The following RPS6KC1 variants were observed in gnomAD, a reference collection of about 807,000 sequenced individuals.
The protein encoded by RPS6KC1 is ribosomal protein S6 kinase C1, also known as inactive ribosomal protein S6 kinase delta-1.
RPS6KC1 carries 54 observed loss-of-function variants against 103.8 expected under a neutral mutation model. The ratio of observed to expected loss-of-function variants is 0.52; its 90% CI spans 0.42 to 0.65. The LOEUF (loss-of-function observed/expected upper bound fraction) is 0.65. RPS6KC1 is among the 30% of genes least tolerant of loss of function. The pLI, the probability that RPS6KC1 is intolerant of heterozygous loss-of-function variation, is 0.00. For synonymous variants in RPS6KC1, 439 were observed against 438.7 expected (o/e 1.00, Z -0.01); for missense variants, 1,151 against 1,253.8 (o/e 0.92, Z 1.24).
At chr1:213,118,937 A>G (rs1465698089) in intron 5 of RPS6KC1, among the ~76,000 whole-genome samples, 4 of 151,988 alleles carry the variant, frequency 2.6e-5, no homozygotes, top group South Asian at 2.1e-4. Flanking sequence ...TTTGTGACCT[A>G]TTTTAATCAG....
chr1:213,363,985 A>AT, the RPS6KC1 span, among the ~76,000 whole-genome samples: 1 of 151,926 alleles, frequency 6.6e-6, no homozygotes, highest in Non-Finnish European at 1.5e-5. Context: ...AGCAGAGGAA[A>AT]TCAAGGGATA....
At chr1:213,546,253 C>A in the RPS6KC1 span, 1 of 152,324 alleles carries the variant, frequency 6.6e-6, no homozygotes, top group African/African-American at 2.4e-5. Flanking sequence ...GCAGACATTA[C>A]CTCTCCCTCA....
chr1:213,729,358 G>A, the RPS6KC1 span, among the ~76,000 whole-genome samples: 2 of 152,056 alleles, frequency 1.3e-5, no homozygotes, highest in Admixed American at 6.6e-5. Flanking sequence ...GTGTCCTGGG[G>A]CCAGTGAATC....
In RPS6KC1 at chr1:213,242,620, G is replaced by T. The variant is rs745874632; in HGVS notation, c.2873G>T (p.Cys958Phe). The T allele has an allele frequency of 1.2e-6, 2 of 1,612,944 alleles. No individual in the cohort carries two copies. Among genetic ancestry groups the T allele is most frequent in the Middle Eastern group, 1.7e-4 (1 of 6,052 alleles). The change falls in exon 12 of 15, where the codon TGT becomes TTT. Residue 958 changes from cysteine (C) to phenylalanine (F), a missense_variant. Physicochemically the swap from Cys to Phe is radical, Grantham distance 205. Transcript: ENST00000366960. ...FSRWSEVEDS[C>F]DSDAIERMYC... ...AGGTGGAGTGAGGTTGAAGATTCCTGTGACAGCGATGCCATAGAGAGAATG... is the reference window on the plus strand; with the variant it reads ...AGGTGGAGTGAGGTTGAAGATTCCTTTGACAGCGATGCCATAGAGAGAATG...
chr1:213,119,381 A>T (rs2148911251), intron 5 of RPS6KC1, among the ~76,000 whole-genome samples: 1 of 140,566 alleles, frequency 7.1e-6, no homozygotes, highest in Admixed American at 7.4e-5. Flanking sequence ...ATGGGGGTGG[A>T]GGTTGCAGTG....
chr1:213,588,051 G>A, the RPS6KC1 span, among the ~76,000 whole-genome samples: 7 of 152,110 alleles, frequency 4.6e-5, no homozygotes, highest in African/African-American at 1.4e-4. Context: ...TTGTCTTCAC[G>A]TGGTAGAAGG....
At chr1:213,798,228 C>T in the RPS6KC1 span, among the ~76,000 whole-genome samples, 4 of 152,120 alleles carry the variant, frequency 2.6e-5, no homozygotes, top group Admixed American at 6.5e-5. Flanking sequence ...TACGCCCTGC[C>T]GTTAACTTCA....
At chr1:213,607,830 G>A in the RPS6KC1 span, among the ~76,000 whole-genome samples, 3 of 152,256 alleles carry the variant, frequency 2.0e-5, no homozygotes, top group South Asian at 6.2e-4. Flanking sequence ...GCCTGAATTT[G>A]CAGATTTTAT....
chr1:213,852,453 A>G, the RPS6KC1 span, among the ~76,000 whole-genome samples: 1 of 151,678 alleles, frequency 6.6e-6, no homozygotes, highest in South Asian at 2.1e-4. Flanking sequence ...CAAACCATCT[A>G]TTTATCTTTT....
chr1:213,601,190 A>G, the RPS6KC1 span, among the ~76,000 whole-genome samples: 1 of 151,990 alleles, frequency 6.6e-6, no homozygotes, highest in Admixed American at 6.6e-5. Context: ...AATTTGAGGC[A>G]GTGGTTCATA....
chr1:213,423,663 A>G, the RPS6KC1 span, among the ~76,000 whole-genome samples: 1 of 152,284 alleles, frequency 6.6e-6, no homozygotes, highest in South Asian at 2.1e-4. Flanking sequence ...CTTCTTTCCT[A>G]TGTCAAGCCT....
At chr1:213,288,422 T>C in the RPS6KC1 span, among the ~76,000 whole-genome samples, 1 of 152,218 alleles carries the variant, frequency 6.6e-6, no homozygotes, top group African/African-American at 2.4e-5. Flanking sequence ...GAACCAACAA[T>C]GGTTTCTGAT....
chr1:213,539,030 C>T, the RPS6KC1 span, among the ~76,000 whole-genome samples: 14 of 152,154 alleles, frequency 9.2e-5, no homozygotes, highest in Non-Finnish European at 1.5e-4. Flanking sequence ...CAGCCGTTGG[C>T]TCTTTTGCAA....
chr1:213,247,664 AT>A (rs2094474557), intron 12 of RPS6KC1, among the ~76,000 whole-genome samples: 1 of 152,134 alleles, frequency 6.6e-6, no homozygotes, highest in African/African-American at 2.4e-5. Flanking sequence ...ACCTCGGGAA[AT>A]TTATTTAAGA....
At chr1:213,804,171 C>T in the RPS6KC1 span, among the ~76,000 whole-genome samples, 1 of 47,382 alleles carries the variant, frequency 2.1e-5, no homozygotes, top group South Asian at 9.3e-4. Context: ...AGTGGCTAAT[C>T]TTAAAAAAAA....
intron 8 of RPS6KC1, among the ~76,000 whole-genome samples, chr1:213,208,906 A>G (rs771070579): frequency 1.4e-4 from 22 of 151,780 alleles, no homozygotes; most frequent in Non-Finnish European, 2.6e-4. Context: ...TTTTTAGGAG[A>G]TAATTTCAGG....
the RPS6KC1 span, among the ~76,000 whole-genome samples, chr1:213,509,265 G>C: frequency 1.6e-4 from 24 of 152,018 alleles, no homozygotes; most frequent in African/African-American, 5.6e-4. Context: ...TGAAAAACTA[G>C]CCCCTTGGGG....
chr1:213,751,460 G>A, the RPS6KC1 span, among the ~76,000 whole-genome samples: 17 of 152,074 alleles, frequency 1.1e-4, no homozygotes, highest in Admixed American at 3.9e-4. Flanking sequence ...GCCAAACCAC[G>A]CTTTTGGTCC....
downstream of RPS6KC1, among the ~76,000 whole-genome samples, chr1:213,278,068 G>A (rs971382246): frequency 3.9e-5 from 6 of 151,984 alleles, no homozygotes; most frequent in East Asian, 1.9e-4. Flanking sequence ...GCTTGGGCAC[G>A]GTGGCACGAA....
Sources: gnomAD v4.1 joint callset for allele counts (sites outside exome capture counted in the v4.1 genomes callset) on GRCh38, gnomAD v4.1.1 for gene constraint, MANE v1.5 for transcripts, NCBI Gene and HGNC (gene_info 2026-07-23, HGNC 2026-07-21) for gene names.